The following FAM3B variants were observed in gnomAD, a reference collection of about 807,000 sequenced individuals.
The protein encoded by FAM3B is FAM3 metabolism regulating signaling molecule B, also known as protein FAM3B.
Under a neutral mutation model 28.4 loss-of-function variants are expected in FAM3B, and 29 were observed. That is an observed-to-expected ratio of 1.02 (90% CI 0.76 to 1.39). The LOEUF (loss-of-function observed/expected upper bound fraction) is 1.39. Ranked by LOEUF, FAM3B falls within the 40% of genes most tolerant of loss-of-function variation. The pLI, the probability that FAM3B is intolerant of heterozygous loss-of-function variation, is 0.00. For missense variants in FAM3B, 266 were observed against 293.9 expected (o/e 0.91, Z 0.69); for synonymous variants, 91 against 103.0 (o/e 0.88, Z 0.71).
intron 1 of FAM3B, among the ~76,000 whole-genome samples, chr21:41,306,802 G>C (rs558261482): frequency 6.1e-4 from 93 of 152,278 alleles, no homozygotes; most frequent in Admixed American, 2.7e-3. Context: ...GTGTTACCTG[G>C]ATGTTATATT....
intron 3 of FAM3B, among the ~76,000 whole-genome samples, chr21:41,339,862 G>A (rs116342663): frequency 0.016 from 2,474 of 152,234 alleles, 60 homozygotes; most frequent in African/African-American, 0.057. Context: ...TAGAGAAATT[G>A]GCTCATGCAA....
At chr21:41,316,599 C>T, upstream of FAM3B, 3 of 352,286 alleles carry the variant, frequency 8.5e-6, no homozygotes, top group East Asian at 8.6e-5. Context: ...AGCCCTGGCC[C>T]GGGGTCAGCC....
chr21:41,328,908 C>A (rs1185127194), intron 2 of FAM3B, among the ~76,000 whole-genome samples: 6 of 152,186 alleles, frequency 3.9e-5, no homozygotes, highest in Admixed American at 1.3e-4. Flanking sequence ...TCCAGCTCGG[C>A]CCTGGCAGCT....
intron 5 of FAM3B, chr21:41,346,173 G>A (rs1281852466): frequency 6.4e-6 from 1 of 157,142 alleles, no homozygotes; most frequent in African/African-American, 2.4e-5. Context: ...GGAACCCACG[G>A]GTGCCCAGTC....
chr21:41,340,239 C>T (rs1165547203), intron 3 of FAM3B, among the ~76,000 whole-genome samples: 10 of 151,640 alleles, frequency 6.6e-5, no homozygotes, highest in South Asian at 4.2e-4. Flanking sequence ...CTGCAACCTC[C>T]GCCTTCCAGG....
intron 2 of FAM3B, among the ~76,000 whole-genome samples, chr21:41,337,055 C>A (rs1285922086): frequency 6.6e-6 from 1 of 152,152 alleles, no homozygotes; most frequent in African/African-American, 2.4e-5. Flanking sequence ...TTTACTACTT[C>A]CATTTTGTTC....
Position 41,347,089 on chromosome 21 carries a change from C to G in FAM3B, c.474C>G (p.Asp158Glu). The G allele has an allele frequency of 1.2e-6, 2 of 1,614,076 alleles. No individual in the cohort carries two copies. The highest frequency in any genetic ancestry group is 1.7e-6 in the Non-Finnish European group (2 of 1,179,972). The change falls in exon 6 of 8, where the codon GAC becomes GAG. Residue 158 changes from aspartate (D) to glutamate (E), a missense_variant. Coordinates refer to ENST00000357985, the MANE Select transcript of FAM3B (RefSeq NM_058186.4). ...TGCTCTTCATGGTGACCTATGACGACGGAAGCACAAGGTGAGTGGGTGTAG... is the reference window on the plus strand; with the variant it reads ...TGCTCTTCATGGTGACCTATGACGAGGGAAGCACAAGGTGAGTGGGTGTAG... Reference protein sequence around the residue: ...KSLLFMVTYDDGSTRLNNDAK... With the variant: ...KSLLFMVTYDEGSTRLNNDAK...
chr21:41,323,154 G>T, intron 2 of FAM3B, 88 bp downstream of exon 2: 1 of 1,554,666 alleles, frequency 6.4e-7, no homozygotes, highest in Non-Finnish European at 8.7e-7. Flanking sequence ...TGGAGGCTGG[G>T]GGGCCCTGAC....
upstream of FAM3B, among the ~76,000 whole-genome samples, chr21:41,313,510 G>A (rs1323913618): frequency 8.0e-6 from 1 of 124,998 alleles, no homozygotes; most frequent in African/African-American, 3.1e-5. Context: ...CATACAGTAT[G>A]TATGCATGTC....
At chr21:41,323,149 G>T in intron 2 of FAM3B, 83 bp downstream of exon 2, 6 of 1,560,770 alleles carry the variant, frequency 3.8e-6, no homozygotes, top group Non-Finnish European at 5.2e-6. Flanking sequence ...CCAGCTGGAG[G>T]CTGGGGGGCC....
intron 1 of FAM3B, chr21:41,304,322 C>T (rs563977713): frequency 3.5e-5 from 16 of 455,772 alleles, no homozygotes; most frequent in Admixed American, 1.2e-4. Flanking sequence ...TGAGAGGACG[C>T]GGGGCTGGCG....
At chr21:41,336,912 C>T (rs1018760183) in intron 2 of FAM3B, among the ~76,000 whole-genome samples, 3 of 152,054 alleles carry the variant, frequency 2.0e-5, no homozygotes, top group Non-Finnish European at 4.4e-5. Flanking sequence ...TTTTGGTTTC[C>T]ATTTGCATGG....
intron 1 of FAM3B, 170 bp from the exon 2 acceptor site, chr21:41,322,753 G>A (rs1357901466): frequency 1.2e-6 from 1 of 839,338 alleles, no homozygotes; most frequent in Non-Finnish European, 2.0e-6. Flanking sequence ...CTACTTCAAA[G>A]GTCCTGACAC....
chr21:41,355,829 G>A (rs2089160129), intron 7 of FAM3B, among the ~76,000 whole-genome samples: 1 of 152,132 alleles, frequency 6.6e-6, no homozygotes, highest in Non-Finnish European at 1.5e-5. Context: ...ATTTTACTAT[G>A]TGAATTATAT....
chr21:41,335,734 A>G (rs1161071528), intron 2 of FAM3B, among the ~76,000 whole-genome samples: 3 of 152,166 alleles, frequency 2.0e-5, no homozygotes, highest in African/African-American at 7.2e-5. Context: ...ATTGATTTCT[A>G]GTTTCATACC....
Position 41,347,108 on chromosome 21 carries a change from G to A in FAM3B, c.485+8G>A, listed in dbSNP as rs749193689. 1 of 1,613,818 alleles carries A rather than the reference G, an allele frequency of 6.2e-7. No individual in the cohort carries two copies. Among genetic ancestry groups the A allele is most frequent in the Non-Finnish European group, 8.5e-7 (1 of 1,179,738 alleles). Reference sequence around the variant, plus strand: ...TGACGACGGAAGCACAAGGTGAGTGGGTGTAGGTCTGTCACAGCGGTGGGC... The same window carrying A: ...TGACGACGGAAGCACAAGGTGAGTGAGTGTAGGTCTGTCACAGCGGTGGGC... On this transcript the variant is annotated splice_region_variant and intron_variant, in intron 6 of 7. Transcript: ENST00000357985.
At chr21:41,316,768 C>A (rs2088752480), upstream of FAM3B, 3 of 1,133,298 alleles carry the variant, frequency 2.6e-6, no homozygotes, top group East Asian at 9.6e-5. Flanking sequence ...GCTGGCCCGC[C>A]CCTGCCCGAC....
intron 2 of FAM3B, among the ~76,000 whole-genome samples, chr21:41,329,990 A>C (rs1271650266): frequency 6.6e-6 from 1 of 152,226 alleles, no homozygotes; most frequent in Non-Finnish European, 1.5e-5. Context: ...GAGAGAGACC[A>C]CATTCACATA....
chr21:41,348,354 T>TG (rs1386315426), intron 6 of FAM3B, among the ~76,000 whole-genome samples: 3 of 152,214 alleles, frequency 2.0e-5, no homozygotes, highest in African/African-American at 4.8e-5. Context: ...AGTAGAATTC[T>TG]GTGCCCCAAA....
Sources: gnomAD v4.1 joint callset for allele counts (sites outside exome capture counted in the v4.1 genomes callset) on GRCh38, gnomAD v4.1.1 for gene constraint, MANE v1.5 for transcripts, NCBI Gene and HGNC (gene_info 2026-07-23, HGNC 2026-07-21) for gene names.